The following CNBD1 variants were observed in gnomAD, a reference collection of about 807,000 sequenced individuals.
CNBD1 encodes the protein cyclic nucleotide-binding domain-containing protein 1.
CNBD1 carries 71 observed loss-of-function variants against 54.4 expected under a neutral mutation model. The ratio of observed to expected loss-of-function variants is 1.30; its 90% CI spans 1.08 to 1.59. The LOEUF (loss-of-function observed/expected upper bound fraction) is 1.59. Ranked by LOEUF, CNBD1 falls within the 40% of genes most tolerant of loss-of-function variation. The pLI is 0.00. For missense variants in CNBD1, 659 were observed against 518.0 expected (o/e 1.27, Z -2.64); for synonymous variants, 182 against 170.7 (o/e 1.07, Z -0.51).
At chr8:87,272,619 C>A (rs756096092) in intron 6 of CNBD1, among the ~76,000 whole-genome samples, 1 of 151,896 alleles carries the variant, frequency 6.6e-6, no homozygotes, top group East Asian at 1.9e-4. Flanking sequence ...AATGTATCAT[C>A]TTTTATACAA....
intron 4 of CNBD1, among the ~76,000 whole-genome samples, chr8:86,997,333 T>A (rs1019959242): frequency 1.3e-5 from 2 of 152,184 alleles, no homozygotes; most frequent in Non-Finnish European, 2.9e-5. Flanking sequence ...TTGAGCATCA[T>A]TGCTGTTTTC....
chr8:86,933,150 C>A (rs1809484517), intron 3 of CNBD1, among the ~76,000 whole-genome samples: 1 of 152,032 alleles, frequency 6.6e-6, no homozygotes, highest in African/African-American at 2.4e-5. Context: ...GAAGGATATA[C>A]CCCCCAATTT....
chr8:87,374,513 G>T (rs750036925), intron 10 of CNBD1, among the ~76,000 whole-genome samples: 7 of 151,690 alleles, frequency 4.6e-5, no homozygotes, highest in Non-Finnish European at 7.4e-5. Context: ...ATACCCAGTT[G>T]GGTTCTAGAC....
At chr8:86,978,360 T>C (rs926289935) in intron 4 of CNBD1, among the ~76,000 whole-genome samples, 3 of 152,036 alleles carry the variant, frequency 2.0e-5, no homozygotes, top group Non-Finnish European at 4.4e-5. Context: ...AATCTTACCC[T>C]CTAAAAACAA....
At chr8:87,367,376 T>C (rs886963643) in intron 10 of CNBD1, among the ~76,000 whole-genome samples, 3 of 152,098 alleles carry the variant, frequency 2.0e-5, no homozygotes, top group Non-Finnish European at 2.9e-5. Flanking sequence ...CCTCTTTCAG[T>C]TGAGGTGATG....
At chr8:87,282,717 A>G (rs1047744478) in intron 6 of CNBD1, among the ~76,000 whole-genome samples, 13 of 152,150 alleles carry the variant, frequency 8.5e-5, no homozygotes, top group African/African-American at 3.1e-4. Context: ...AATATTATTC[A>G]AAGTCATGGA....
At chr8:87,244,929 A>G (rs1197000133) in intron 6 of CNBD1, among the ~76,000 whole-genome samples, 1 of 152,168 alleles carries the variant, frequency 6.6e-6, no homozygotes, top group Non-Finnish European at 1.5e-5. Context: ...CATTTATTTT[A>G]TCTAAACTGA....
chr8:87,111,378 G>T (rs1811658151), intron 4 of CNBD1, among the ~76,000 whole-genome samples: 1 of 152,186 alleles, frequency 6.6e-6, no homozygotes, highest in Admixed American at 6.5e-5. Context: ...GTTATTATCT[G>T]ATCTCATAAT....
At chr8:86,977,067 G>A (rs965475926) in intron 4 of CNBD1, among the ~76,000 whole-genome samples, 1 of 152,008 alleles carries the variant, frequency 6.6e-6, no homozygotes, top group African/African-American at 2.4e-5. Flanking sequence ...ATGCTGAACA[G>A]AAGTGGTGAG....
intron 4 of CNBD1, among the ~76,000 whole-genome samples, chr8:87,043,945 A>G (rs1810127735): frequency 6.6e-6 from 1 of 152,100 alleles, no homozygotes; most frequent in Non-Finnish European, 1.5e-5. Context: ...TCTCTGTGAT[A>G]TTTTACTTCT....
At chr8:87,388,491 G>C (rs1811238361) in intron 2 of CNBD1, among the ~76,000 whole-genome samples, 1 of 152,106 alleles carries the variant, frequency 6.6e-6, no homozygotes, top group Non-Finnish European at 1.5e-5. Flanking sequence ...AAATAAACTA[G>C]AAAATCTAGA....
intron 6 of CNBD1, among the ~76,000 whole-genome samples, chr8:87,244,396 G>T (rs1356374737): frequency 3.3e-5 from 5 of 152,034 alleles, no homozygotes; most frequent in Admixed American, 3.3e-4. Context: ...AGTAATTCTG[G>T]AGCTCCAAGA....
At chr8:87,116,461 G>C (rs553879224) in intron 4 of CNBD1, among the ~76,000 whole-genome samples, 2 of 152,150 alleles carry the variant, frequency 1.3e-5, no homozygotes, top group East Asian at 3.9e-4. Flanking sequence ...TGATTCTCCT[G>C]CCTCAGCCTC....
chr8:86,943,150 A>G (rs1028330068), intron 4 of CNBD1, among the ~76,000 whole-genome samples: 1 of 152,012 alleles, frequency 6.6e-6, no homozygotes, highest in African/African-American at 2.4e-5. Flanking sequence ...TGGGAAGCCA[A>G]GGAGTGTGGA....
chr8:87,333,965 C>G (rs1437770535), intron 8 of CNBD1, among the ~76,000 whole-genome samples: 2 of 151,884 alleles, frequency 1.3e-5, no homozygotes, highest in Non-Finnish European at 2.9e-5. Flanking sequence ...CTTTTTACCT[C>G]TGGTTGAATT....
chr8:87,072,271 T>A (rs564663824), intron 4 of CNBD1, among the ~76,000 whole-genome samples: 3 of 152,122 alleles, frequency 2.0e-5, no homozygotes, highest in Non-Finnish European at 2.9e-5. Context: ...CAGCTTGCCA[T>A]TATGTGTCTT....
At chr8:87,058,668 T>C (rs1217374565) in intron 4 of CNBD1, among the ~76,000 whole-genome samples, 1 of 152,134 alleles carries the variant, frequency 6.6e-6, no homozygotes, top group African/African-American at 2.4e-5. Flanking sequence ...CCTTGGTCCC[T>C]TTAACCATGG....
At chr8:87,392,615 C>G (rs1811330292) in intron 2 of CNBD1, among the ~76,000 whole-genome samples, 1 of 151,910 alleles carries the variant, frequency 6.6e-6, no homozygotes, top group Non-Finnish European at 1.5e-5. Flanking sequence ...AAATCTGTAT[C>G]AGAAAGTCGA....
chr8:87,158,115 C>G (rs1812783530), intron 4 of CNBD1, among the ~76,000 whole-genome samples: 2 of 151,920 alleles, frequency 1.3e-5, no homozygotes, highest in South Asian at 4.1e-4. Flanking sequence ...GTGTCTAATC[C>G]TCAGAAGACA....
Sources: gnomAD v4.1 joint callset for allele counts (sites outside exome capture counted in the v4.1 genomes callset) on GRCh38, gnomAD v4.1.1 for gene constraint, MANE v1.5 for transcripts, NCBI Gene and HGNC (gene_info 2026-07-23, HGNC 2026-07-21) for gene names.